BACH2: variants seen among roughly 807,000 people sequenced by gnomAD.
The protein encoded by BACH2 is transcription regulator protein BACH2.
BACH2 carries 5 observed loss-of-function variants against 61.8 expected under a neutral mutation model. That is an observed-to-expected ratio of 0.08 (90% CI 0.04 to 0.17). The LOEUF (loss-of-function observed/expected upper bound fraction) is 0.17, where lower values mean the gene tolerates loss of function less well. Among genes scored for constraint, BACH2 ranks in the 10% least tolerant of loss-of-function variants. The pLI, the probability that BACH2 is intolerant of heterozygous loss-of-function variation, is 1.00. For synonymous variants in BACH2, 446 were observed against 440.1 expected, an observed-to-expected ratio of 1.01 and a Z score of -0.17; for missense variants, 824 against 1,091.1, an observed-to-expected ratio of 0.76 and a Z score of 3.45.
chr6:90,103,029 A>ATATATATTTTT lies in BACH2; in HGVS notation c.-161-13921_-161-13920insAAAAATATATA. On this transcript the variant is annotated intron_variant, in intron 4 of 8. Coordinates refer to ENST00000257749, the MANE Select transcript of BACH2 (RefSeq NM_021813.4). The stretch of plus-strand genomic sequence containing the variant: ...TACATATATATATATATATATATAT[A>ATATATATTTTT]TTTTTTTTTTTTTTTTTTTTTTACC... Among the ~76,000 whole-genome samples, 122 of 21,166 alleles carry ATATATATTTTT rather than the reference A, an allele frequency of 5.8e-3. 9 individuals are homozygous for ATATATATTTTT. The highest frequency in any genetic ancestry group is 8.7e-3 in the Non-Finnish European group (109 of 12,538). 13.9% of individuals were successfully genotyped at this position (21,166 alleles called of 152,430 possible).
chr6:90,103,030 T>TATATATA (rs371402979), intron 4 of BACH2, among the ~76,000 whole-genome samples: 27 of 20,356 alleles, frequency 1.3e-3, no homozygotes, highest in South Asian at 0.012. Flanking sequence ...TATATATATA[T>TATATATA]TTTTTTTTTT....
intron 4 of BACH2, among the ~76,000 whole-genome samples, chr6:90,171,881 T>C (rs567168790): frequency 6.6e-6 from 1 of 152,316 alleles, no homozygotes; most frequent in South Asian, 2.1e-4. Context: ...ATAATAATTA[T>C]ATTTAGAGAC....
At chr6:90,088,770 C>T (rs1341981855) in intron 5 of BACH2, among the ~76,000 whole-genome samples, 191 bp downstream of exon 5, 1 of 151,974 alleles carries the variant, frequency 6.6e-6, no homozygotes, top group Admixed American at 6.6e-5. Context: ...CTGATTCAAG[C>T]TGAAATTTAA....
chr6:90,080,547 G>A (rs1051915555), intron 5 of BACH2, among the ~76,000 whole-genome samples: 3 of 152,122 alleles, frequency 2.0e-5, no homozygotes, highest in African/African-American at 7.2e-5. Flanking sequence ...AGAGATGAGA[G>A]TCTATTTTTG....
At chr6:90,184,591 G>A (rs968070578) in intron 4 of BACH2, among the ~76,000 whole-genome samples, 3 of 152,184 alleles carry the variant, frequency 2.0e-5, no homozygotes, top group African/African-American at 7.2e-5. Flanking sequence ...GGAAGTGGAG[G>A]ACCATATGAA....
chr6:89,935,191 C>G (rs994040619), intron 8 of BACH2, among the ~76,000 whole-genome samples: 3 of 152,036 alleles, frequency 2.0e-5, no homozygotes, highest in Admixed American at 6.6e-5. Context: ...GCTCCGCCCA[C>G]CAGCGCCATC....
chr6:90,123,566 C>T lies in BACH2; in HGVS notation c.-161-34457G>A, dbSNP rs188613357. On this transcript the variant is annotated intron_variant, in intron 4 of 8. Transcript: ENST00000257749. Reference sequence around the variant, plus strand: ...CGGGCGGATCACGAGGTCAGGAGATCGAGACCATCCCAGCTAAAACGGTGA... The same window carrying T: ...CGGGCGGATCACGAGGTCAGGAGATTGAGACCATCCCAGCTAAAACGGTGA... Among the ~76,000 whole-genome samples the T allele has an allele frequency of 5.7e-3, 857 of 151,450 alleles. 5 individuals carry two copies. The highest frequency in any genetic ancestry group is 0.01 in the Middle Eastern group (3 of 292).
intron 3 of BACH2, among the ~76,000 whole-genome samples, chr6:90,208,115 C>G (rs1220483154): frequency 6.6e-6 from 1 of 152,090 alleles, no homozygotes; most frequent in African/African-American, 2.4e-5. Flanking sequence ...AGAAGAAAAC[C>G]TAGGCAATAC....
chr6:90,119,967 G>A (rs568474805), intron 4 of BACH2, among the ~76,000 whole-genome samples: 13 of 152,318 alleles, frequency 8.5e-5, no homozygotes, highest in African/African-American at 2.9e-4. Context: ...GCCAGCAAAG[G>A]ACTAGGAGAT....
intron 7 of BACH2, among the ~76,000 whole-genome samples, chr6:89,939,690 G>A (rs1201131265): frequency 3.9e-5 from 5 of 127,672 alleles, no homozygotes; most frequent in African/African-American, 9.0e-5. Flanking sequence ...TTTGAGACAG[G>A]GTCTTGCTCT....
chr6:90,192,213 T>C (rs568974624), intron 4 of BACH2, among the ~76,000 whole-genome samples: 2 of 152,330 alleles, frequency 1.3e-5, no homozygotes, highest in South Asian at 4.1e-4. Flanking sequence ...ACTTATCCTT[T>C]TCAAATTGCT....
intron 1 of BACH2, among the ~76,000 whole-genome samples, chr6:90,296,204 A>G (rs1347455466): frequency 2.6e-5 from 4 of 151,944 alleles, no homozygotes; most frequent in South Asian, 2.1e-4. Context: ...CCAGCAAAAT[A>G]CAATGCGCCT....
At chr6:90,214,621 T>C (rs553764789) in intron 3 of BACH2, among the ~76,000 whole-genome samples, 131 of 152,246 alleles carry the variant, frequency 8.6e-4, no homozygotes, top group South Asian at 8.3e-4. Flanking sequence ...TGAAACTGCT[T>C]AGCAAGCCAG....
At chr6:90,007,064 A>C (rs9451312) in intron 6 of BACH2, among the ~76,000 whole-genome samples, 25,996 of 151,488 alleles carry the variant, frequency 0.17, 2,501 homozygotes, top group African/African-American at 0.27. Context: ...TAGTGTTTTA[A>C]AATTTTAATT....
In BACH2 at chr6:90,082,789, T is replaced by C. The variant is rs1279094957; in HGVS notation, c.-13+6172A>G. On this transcript the variant is annotated intron_variant, in intron 5 of 8. Transcript: ENST00000257749. ...GGAAACAATTATTTTCTGATTGTGG[T>C]TCTGTCTAGAAATCAAGAACACTTC... Among the ~76,000 whole-genome samples, 3 of 152,204 alleles carry C rather than the reference T, an allele frequency of 2.0e-5. No homozygotes were observed. In the East Asian group the frequency reaches 5.8e-4, roughly 29 times the overall value.
At chr6:90,274,771 C>G (rs1304069509) in intron 1 of BACH2, among the ~76,000 whole-genome samples, 1 of 152,176 alleles carries the variant, frequency 6.6e-6, no homozygotes, top group East Asian at 1.9e-4. Context: ...GTCATTGAGA[C>G]CTGATGCTAA....
intron 4 of BACH2, among the ~76,000 whole-genome samples, chr6:90,158,391 A>C (rs572163647): frequency 3.9e-5 from 6 of 152,298 alleles, no homozygotes; most frequent in Admixed American, 3.9e-4. Flanking sequence ...ACTTCTAGCC[A>C]TTTCACTTAC....
In BACH2 at chr6:90,008,784, T is replaced by C; in HGVS notation, c.61A>G (p.Thr21Ala). 1 of 1,614,172 alleles carries C rather than the reference T, an allele frequency of 6.2e-7. No individual in the cohort carries two copies. The highest frequency in any genetic ancestry group is 1.7e-5 in the Admixed American group (1 of 60,018). The change falls in exon 6 of 9, where the codon ACC becomes GCC. Residue 21 changes from threonine (T) to alanine (A), a missense_variant. Physicochemically the swap from Thr to Ala is moderately conservative, Grantham distance 58 (BLOSUM62 0). Transcript: ENST00000257749. The surrounding 1 kb of genome is among the most constrained non-coding windows in gnomAD (Gnocchi z 4.1). ...TCATTGAGGCCCAGGAGGATGTTGGTGCAGTGGACTGTGGACTCATACACA... is the reference window on the plus strand; with the variant it reads ...TCATTGAGGCCCAGGAGGATGTTGGCGCAGTGGACTGTGGACTCATACACA... ...MYVYESTVHCTNILLGLNDQR... is the reference protein window; with the variant it reads ...MYVYESTVHCANILLGLNDQR...
At chr6:90,172,325 A>G (rs1767844323) in intron 4 of BACH2, among the ~76,000 whole-genome samples, 1 of 149,274 alleles carries the variant, frequency 6.7e-6, no homozygotes, top group Non-Finnish European at 1.5e-5. Flanking sequence ...AAAAAAAAAG[A>G]CATTATACAT....
Sources: gnomAD v4.1 joint callset for allele counts (sites outside exome capture counted in the v4.1 genomes callset) on GRCh38, gnomAD v4.1.1 for gene constraint, Gnocchi (gnomAD v3.1) non-coding constraint, MANE v1.5 for transcripts, NCBI Gene and HGNC (gene_info 2026-07-23, HGNC 2026-07-21) for gene names.